GLIS3: variants seen among roughly 807,000 people sequenced by gnomAD.
GLIS3 encodes the protein GLIS family zinc finger 3, also known as zinc finger protein GLIS3.
In GLIS3, 53 loss-of-function variants were observed where a neutral mutation model predicts 78.6. The observed-to-expected ratio is 0.67, with a 90% CI of 0.54 to 0.85. The LOEUF is 0.85. Ranked by LOEUF, GLIS3 falls within the 40% of genes least tolerant of loss-of-function variation. GLIS3 has a pLI of 0.00. For missense variants in GLIS3, 1,703 were observed against 1,231.1 expected, an observed-to-expected ratio of 1.38 and a Z score of -5.74; for synonymous variants, 684 against 509.9, an observed-to-expected ratio of 1.34 and a Z score of -4.60.
chr9:4,143,496 G>A (rs911010819), intron 2 of GLIS3, among the ~76,000 whole-genome samples: 1 of 152,040 alleles, frequency 6.6e-6, no homozygotes, highest in Non-Finnish European at 1.5e-5. Context: ...GAACCCAGGA[G>A]GTGGGGGTTG....
intron 4 of GLIS3, among the ~76,000 whole-genome samples, chr9:3,999,092 C>T (rs1242233034): frequency 2.0e-5 from 3 of 152,124 alleles, no homozygotes; most frequent in African/African-American, 7.2e-5. Context: ...AGATATCGCA[C>T]CACATCAGCT....
the GLIS3 span, among the ~76,000 whole-genome samples, chr9:4,447,834 G>A: frequency 1.3e-5 from 2 of 151,998 alleles, no homozygotes; most frequent in South Asian, 4.2e-4. Flanking sequence ...ACCTAAGACT[G>A]GTCTGTTCCA....
chr9:3,856,586 C>T lies in GLIS3; in HGVS notation c.2298-402G>A, dbSNP rs185500151. ...TCCGTATGTTTCTGAATCATTTACA[C>T]TTAGCTCACAAACATTTTGTTTGTT... On this transcript the variant is annotated intron_variant, in intron 8 of 10. Coordinates refer to ENST00000381971, the MANE Select transcript of GLIS3 (RefSeq NM_001042413.2). Among the ~76,000 whole-genome samples the T allele has an allele frequency of 1.6e-3, 245 of 152,316 alleles. 1 individual carries two copies. Among genetic ancestry groups the T allele is most frequent in the African/African-American group, 5.7e-3 (235 of 41,566 alleles).
intron 2 of GLIS3, among the ~76,000 whole-genome samples, chr9:4,209,624 C>G (rs752636334): frequency 5.9e-5 from 9 of 152,316 alleles, no homozygotes; most frequent in African/African-American, 1.9e-4. Flanking sequence ...AATGATAGCA[C>G]TTGTCAGGAG....
chr9:3,958,052 C>T (rs1016091277), intron 4 of GLIS3, among the ~76,000 whole-genome samples: 13 of 152,182 alleles, frequency 8.5e-5, no homozygotes, highest in Admixed American at 3.9e-4. Context: ...GTGGCTCCTT[C>T]GGTAATCCTA....
chr9:3,889,543 A>G (rs923748554), intron 7 of GLIS3, among the ~76,000 whole-genome samples: 6 of 152,232 alleles, frequency 3.9e-5, no homozygotes, highest in Admixed American at 3.9e-4. Flanking sequence ...CATGTATTAC[A>G]TGATCCTAAA....
intron 4 of GLIS3, among the ~76,000 whole-genome samples, chr9:3,937,641 A>G (rs1313469587): frequency 2.0e-5 from 3 of 152,174 alleles, no homozygotes; most frequent in Non-Finnish European, 4.4e-5. Context: ...AAAAAGGAGA[A>G]TTGAAGATTT....
At chr9:3,850,208 C>T (rs905589394) in intron 9 of GLIS3, among the ~76,000 whole-genome samples, 1 of 152,134 alleles carries the variant, frequency 6.6e-6, no homozygotes, top group Non-Finnish European at 1.5e-5. Flanking sequence ...GGCTGGCTTA[C>T]AGGTACTGAA....
At chr9:4,335,653 G>C (rs1273008660) in intron 2 of GLIS3, among the ~76,000 whole-genome samples, 1 of 152,102 alleles carries the variant, frequency 6.6e-6, no homozygotes, top group African/African-American at 2.4e-5. Context: ...GGTTAAACAA[G>C]GGCACTTTCA....
intron 4 of GLIS3, among the ~76,000 whole-genome samples, chr9:4,070,224 A>T (rs544324236): frequency 6.0e-4 from 91 of 152,068 alleles, no homozygotes; most frequent in Non-Finnish European, 1.1e-3. Context: ...CCCCCTCCTT[A>T]TCAGAAGTTC....
At chr9:4,223,983 C>T (rs1271799023) in intron 2 of GLIS3, among the ~76,000 whole-genome samples, 3 of 151,710 alleles carry the variant, frequency 2.0e-5, no homozygotes, top group East Asian at 1.9e-4. Context: ...AGCTTCTACA[C>T]TTCTACAAAA....
intron 2 of GLIS3, among the ~76,000 whole-genome samples, chr9:4,192,368 T>C (rs1818405242): frequency 6.6e-6 from 1 of 152,252 alleles, no homozygotes; most frequent in South Asian, 2.1e-4. Flanking sequence ...ACATGATGCC[T>C]CAAATAATAT....
At chr9:4,205,793 T>G (rs1819822549) in intron 2 of GLIS3, among the ~76,000 whole-genome samples, 1 of 152,214 alleles carries the variant, frequency 6.6e-6, no homozygotes, top group Admixed American at 6.5e-5. Context: ...GAATCCAGGC[T>G]GACAGAGAGG....
the GLIS3 span, among the ~76,000 whole-genome samples, chr9:4,446,899 C>T: frequency 6.6e-6 from 1 of 152,040 alleles, no homozygotes; most frequent in Non-Finnish European, 1.5e-5. Context: ...CTTGACTGTA[C>T]TTAGGTTCCA....
intron 2 of GLIS3, among the ~76,000 whole-genome samples, chr9:4,236,784 G>C (rs1425781333): frequency 6.6e-6 from 1 of 152,158 alleles, no homozygotes; most frequent in Non-Finnish European, 1.5e-5. Flanking sequence ...TAATCCCTAA[G>C]TTTTTAGGCC....
chr9:4,126,627 G>T (rs1832603872), intron 2 of GLIS3, among the ~76,000 whole-genome samples: 1 of 151,850 alleles, frequency 6.6e-6, no homozygotes. Flanking sequence ...AAAGGGGAAA[G>T]AAAAAAAGGA....
At chr9:4,335,661 T>G (rs1817745070) in intron 2 of GLIS3, among the ~76,000 whole-genome samples, 2 of 152,152 alleles carry the variant, frequency 1.3e-5, no homozygotes, top group Admixed American at 1.3e-4. Context: ...AAGGGCACTT[T>G]CAACACGGCT....
chr9:4,237,415 G>A (rs1271282543), intron 2 of GLIS3, among the ~76,000 whole-genome samples: 1 of 152,036 alleles, frequency 6.6e-6, no homozygotes. Flanking sequence ...ATAACTACAG[G>A]TATTTTAACA....
At chr9:4,408,726 C>CAAAA in the GLIS3 span, among the ~76,000 whole-genome samples, 50 of 56,714 alleles carry the variant, frequency 8.8e-4, 2 homozygotes, top group African/African-American at 2.8e-3. Flanking sequence ...GACTCTGTCT[C>CAAAA]AAAAAAAAAA....
Sources: allele counts gnomAD v4.1 joint callset (sites outside exome capture counted in the v4.1 genomes callset), GRCh38; gene constraint gnomAD v4.1.1; transcripts MANE v1.5; gene names NCBI Gene and HGNC (gene_info 2026-07-23, HGNC 2026-07-21).